FOSL2: variants seen among roughly 807,000 people sequenced by gnomAD.
FOSL2 encodes the protein FOS like 2, AP-1 transcription factor subunit.
FOSL2 carries 3 observed loss-of-function variants against 27.7 expected under a neutral mutation model. The ratio of observed to expected loss-of-function variants is 0.11; its 90% CI spans 0.05 to 0.28. The LOEUF is 0.28. Ranked by LOEUF, FOSL2 falls within the 10% of genes least tolerant of loss-of-function variation. FOSL2 has a pLI of 1.00. For synonymous variants in FOSL2, 179 were observed against 190.1 expected, an observed-to-expected ratio of 0.94 and a Z score of 0.48; for missense variants, 333 against 445.1, an observed-to-expected ratio of 0.75 and a Z score of 2.27.
In FOSL2 at chr2:28,413,767, T is replaced by C. The variant is rs1664256625; in HGVS notation, c.*1319T>C. 1.0e-5 allele frequency: 4 copies of C among 398,822 alleles called. No individual in the cohort carries two copies. Among genetic ancestry groups the C allele is most frequent in the Non-Finnish European group, 1.8e-5 (4 of 226,280 alleles). The allele number at this position is 398,822 out of a possible 1,614,324, so 24.7% of individuals were successfully genotyped here. ...CTGTCCCCACCCCAGTGCACTCTTC[T>C]GGCCCAGGCAGCAAGCAAGCTGTGA... is the stretch of plus-strand genomic sequence containing the variant. On this transcript the variant is annotated 3_prime_UTR_variant, in exon 4 of 4. Coordinates refer to ENST00000264716, the MANE Select transcript of FOSL2 (RefSeq NM_005253.4).
rs1664244750 is a variant in FOSL2 at position 28,413,324 on chromosome 2, G to C, written c.*876G>C. 2 of 396,920 alleles carry C rather than the reference G, an allele frequency of 5.0e-6. No homozygotes were observed. Among genetic ancestry groups the C allele is most frequent in the Admixed American group, 4.4e-5 (1 of 22,668 alleles). The allele number at this position is 396,920 out of a possible 1,614,324, so 24.6% of individuals were successfully genotyped here. On this transcript the variant is annotated 3_prime_UTR_variant, in exon 4 of 4. Coordinates refer to ENST00000264716, the MANE Select transcript of FOSL2 (RefSeq NM_005253.4). Reference sequence around the variant, plus strand: ...CCCTTCACCTGGTGTCTTGAGTAGGGCGTCTCCTGTAATTACTGCCTTGCC... The same window carrying C: ...CCCTTCACCTGGTGTCTTGAGTAGGCCGTCTCCTGTAATTACTGCCTTGCC...
Position 28,392,947 on chromosome 2 carries a change from A to AGG in FOSL2, c.-773_-772insGG. On this transcript the variant is annotated 5_prime_UTR_variant, in exon 1 of 4. Coordinates refer to ENST00000264716, the MANE Select transcript of FOSL2 (RefSeq NM_005253.4). The stretch of plus-strand genomic sequence containing the variant: ...GCGCTCGGCGGGGACAGAAAGAGGG[A>AGG]GAGAGAGAGAGAGAGAGAGGGAGAG... 2 of 338,142 alleles carry AGG rather than the reference A, an allele frequency of 5.9e-6. No individual in the cohort carries two copies. Among genetic ancestry groups the AGG allele is most frequent in the South Asian group, 3.6e-5 (1 of 27,558 alleles). 20.9% of individuals were successfully genotyped at this position (338,142 alleles called of 1,614,324 possible).
At chr2:28,396,729 C>A (rs982700826) in intron 1 of FOSL2, 2 of 149,706 alleles carry the variant, frequency 1.3e-5, no homozygotes, top group Non-Finnish European at 3.0e-5. Context: ...GGCAGTATTT[C>A]CTTTTTGGAG....
chr2:28,411,763 A>ATC, intron 3 of FOSL2, 167 bp from the exon 4 acceptor site: 1 of 667,908 alleles, frequency 1.5e-6, no homozygotes, highest in Middle Eastern at 4.1e-4. Context: ...AAATGAAAGG[A>ATC]ATCTTGAGCC....
chr2:28,410,629 GC>G, intron 3 of FOSL2: 1 of 728,080 alleles, frequency 1.4e-6, no homozygotes, highest in Non-Finnish European at 1.7e-6. Context: ...TGGGGAGGAG[GC>G]TGGTGACACA....
chr2:28,408,880 C>G lies in FOSL2; in HGVS notation c.462+14C>G. 1 of 1,581,756 alleles carries G rather than the reference C, an allele frequency of 6.3e-7. No individual in the cohort carries two copies. The highest frequency in any genetic ancestry group is 2.3e-5 in the East Asian group (1 of 43,456). On this transcript the variant is annotated intron_variant, in intron 3 of 3. Coordinates refer to ENST00000264716, the MANE Select transcript of FOSL2 (RefSeq NM_005253.4). This position sits in a 1 kb window ranked among gnomAD's most constrained non-coding sequence, Gnocchi z 4.1. Reference sequence around the variant, plus strand: ...AAGCTGCAGGCGGTGAGGAACTCTGCGTAGGGTGGGAGCACCTCTGGGTGG... The same window carrying G: ...AAGCTGCAGGCGGTGAGGAACTCTGGGTAGGGTGGGAGCACCTCTGGGTGG...
In FOSL2 at chr2:28,408,617, A is replaced by G; in HGVS notation, c.355-142A>G. ...GGATCCACATGTTCTGGGGCCTCTG[A>G]GTCCAGCCATGCTCCTCTTGCCCTT... is the stretch of plus-strand genomic sequence containing the variant. On this transcript the variant is annotated intron_variant, in intron 2 of 3. Transcript: ENST00000264716. The surrounding 1 kb of genome is among the most constrained non-coding windows in gnomAD (Gnocchi z 4.1). 1.7e-6 allele frequency: 1 copy of G among 573,076 alleles called. No homozygotes were observed. The highest frequency in any genetic ancestry group is 3.9e-5 in the Admixed American group (1 of 25,926). The allele number at this position is 573,076 out of a possible 1,614,324, so 35.5% of individuals were successfully genotyped here.
At chr2:28,407,921 A>G (rs1218529197) in intron 2 of FOSL2, among the ~76,000 whole-genome samples, 4 of 152,216 alleles carry the variant, frequency 2.6e-5, no homozygotes, top group African/African-American at 9.7e-5. Context: ...GGAAGAAGCT[A>G]GATCCTAAGC....
chr2:28,397,864 T>C (rs976117783), intron 1 of FOSL2, among the ~76,000 whole-genome samples: 4 of 152,220 alleles, frequency 2.6e-5, no homozygotes, highest in African/African-American at 9.6e-5. Flanking sequence ...AACAAATCTT[T>C]GTCCTTTGAA....
chr2:28,414,993 C>T lies in FOSL2; in HGVS notation c.*2545C>T, dbSNP rs1273878344. ...CGTGAGCATATCCTGAGTTTTACTT[C>T]CTTATGGCTTGCCCTCCAAGTTCTC... On this transcript the variant is annotated 3_prime_UTR_variant, in exon 4 of 4. Transcript: ENST00000264716. 1.3e-5 allele frequency: 2 copies of T among 152,236 alleles called. No individual in the cohort carries two copies. The highest frequency in any genetic ancestry group is 4.8e-5 in the African/African-American group (2 of 41,456). 9.4% of individuals were successfully genotyped at this position (152,236 alleles called of 1,614,324 possible).
chr2:28,404,168 C>T lies in FOSL2; in HGVS notation c.164C>T (p.Thr55Met), dbSNP rs868092010. 5 of 1,614,112 alleles carry T rather than the reference C, an allele frequency of 3.1e-6. No homozygotes were observed. The highest frequency in any genetic ancestry group is 2.2e-5 in the East Asian group (1 of 44,906). ...SAFIPTINAI[T>M]TSQDLQWMVQ... Reference sequence around the variant, plus strand: ...TTCATCCCCACCATCAACGCCATCACGACCAGCCAGGACCTGCAGTGGATG... The same window carrying T: ...TTCATCCCCACCATCAACGCCATCATGACCAGCCAGGACCTGCAGTGGATG... The change falls in exon 2 of 4, where the codon ACG becomes ATG. Residue 55 changes from threonine to methionine, a missense_variant. Physicochemically the swap from Thr to Met is moderately conservative, Grantham distance 81. Around this residue, in one of 4 missense-constraint regions of FOSL2, gnomAD observed 131 missense variants for 157.9 expected, o/e 0.83. Coordinates refer to ENST00000264716, the MANE Select transcript of FOSL2 (RefSeq NM_005253.4). This position sits in a 1 kb window ranked among gnomAD's most constrained non-coding sequence, Gnocchi z 4.7.
At chr2:28,395,265 TCTGTA>T (rs1384672879) in intron 1 of FOSL2, among the ~76,000 whole-genome samples, 3 of 152,202 alleles carry the variant, frequency 2.0e-5, no homozygotes, top group Non-Finnish European at 2.9e-5. Flanking sequence ...TAGGTTGAAG[TCTGTA>T]CCCACTCCCT....
In FOSL2 at chr2:28,416,592, G is replaced by A. The variant is rs1199628192; in HGVS notation, c.*4144G>A. 6.6e-6 allele frequency: 1 copy of A among 151,698 alleles called. No individual in the cohort carries two copies. Among genetic ancestry groups the A allele is most frequent in the African/African-American group, 2.4e-5 (1 of 41,258 alleles). The allele number at this position is 151,698 out of a possible 1,614,324, so 9.4% of individuals were successfully genotyped here. On this transcript the variant is annotated 3_prime_UTR_variant, in exon 4 of 4. Coordinates refer to ENST00000264716, the MANE Select transcript of FOSL2 (RefSeq NM_005253.4). Reference sequence around the variant, plus strand: ...GGATTTTCATTCCTCTGGGGACAGTGGTCGCCAAGACATCTACATTGTAAG... The same window carrying A: ...GGATTTTCATTCCTCTGGGGACAGTAGTCGCCAAGACATCTACATTGTAAG...
At chr2:28,403,844 C>A (rs966357605) in intron 1 of FOSL2, among the ~76,000 whole-genome samples, 1 of 152,170 alleles carries the variant, frequency 6.6e-6, no homozygotes, top group Non-Finnish European at 1.5e-5. Context: ...GGACAGTATC[C>A]TCACTGAGCC....
intron 2 of FOSL2, among the ~76,000 whole-genome samples, chr2:28,406,044 CTTTTTTT>C (rs10525036): frequency 8.3e-4 from 33 of 39,692 alleles, no homozygotes; most frequent in Non-Finnish European, 1.4e-3. Flanking sequence ...TCTCCATTCC[CTTTTTTT>C]TTTTTTTTTT....
chr2:28,411,272 G>C (rs986176050), intron 3 of FOSL2, among the ~76,000 whole-genome samples: 6 of 152,298 alleles, frequency 3.9e-5, no homozygotes, highest in Admixed American at 3.9e-4. Context: ...TAGGGATACA[G>C]GAGTGTGCAT....
At chr2:28,403,963 G>T in intron 1 of FOSL2, 144 bp from the exon 2 acceptor site, 1 of 861,246 alleles carries the variant, frequency 1.2e-6, no homozygotes, top group Non-Finnish European at 1.8e-6. Context: ...GACTTGTCCA[G>T]GCCCACCTGG....
In FOSL2 at chr2:28,417,232, C is replaced by G. The variant is rs114835682; in HGVS notation, c.*4784C>G. The stretch of plus-strand genomic sequence containing the variant: ...AACATATTAAAACTTCTTTCCCTTG[C>G]GATTTTTTTGGGGGAGGGGGGTTAG... On this transcript the variant is annotated 3_prime_UTR_variant, in exon 4 of 4. Transcript: ENST00000264716. 6.6e-6 allele frequency: 1 copy of G among 151,662 alleles called. No homozygotes were observed. The highest frequency in any genetic ancestry group is 1.5e-5 in the Non-Finnish European group (1 of 67,928). 9.4% of individuals were successfully genotyped at this position (151,662 alleles called of 1,614,324 possible). A position where few individuals can be genotyped will look rare whatever the true frequency, so the allele number is the denominator to read the frequency against.
rs1394491637 is a variant in FOSL2 at position 28,416,811 on chromosome 2, A to G, written c.*4363A>G. On this transcript the variant is annotated 3_prime_UTR_variant, in exon 4 of 4. Coordinates refer to ENST00000264716, the MANE Select transcript of FOSL2 (RefSeq NM_005253.4). Reference sequence around the variant, plus strand: ...GTATATATATAGTATTTTGGTGTATAGTAGAAAATAAGCTTTGTGCATCTG... The same window carrying G: ...GTATATATATAGTATTTTGGTGTATGGTAGAAAATAAGCTTTGTGCATCTG... 6.6e-6 allele frequency: 1 copy of G among 152,146 alleles called. No individual in the cohort carries two copies. Among genetic ancestry groups the G allele is most frequent in the Non-Finnish European group, 1.5e-5 (1 of 68,028 alleles). The allele number at this position is 152,146 out of a possible 1,614,324, so 9.4% of individuals were successfully genotyped here.
Sources: gnomAD v4.1 joint callset for allele counts (sites outside exome capture counted in the v4.1 genomes callset) on GRCh38, gnomAD v4.1.1 for gene constraint, gnomAD v4.1.1 regional missense constraint, Gnocchi (gnomAD v3.1) non-coding constraint, MANE v1.5 for transcripts, NCBI Gene and HGNC (gene_info 2026-07-23, HGNC 2026-07-21) for gene names.